WWC2: variants seen among roughly 807,000 people sequenced by gnomAD.
WWC2 encodes the protein WW and C2 domain containing 2.
Under a neutral mutation model 138.5 loss-of-function variants are expected in WWC2, and 101 were observed. That is an observed-to-expected ratio of 0.73 (90% CI 0.62 to 0.86). The LOEUF is 0.86. WWC2 is among the 40% of genes least tolerant of loss of function. The probability of loss-of-function intolerance (pLI) is 0.00; values close to 1 mark genes in which losing one functional copy is unlikely to be tolerated. For missense variants in WWC2, 1,420 were observed against 1,419.4 expected (o/e 1.00, Z -0.01); for synonymous variants, 558 against 538.4 (o/e 1.04, Z -0.50).
intron 22 of WWC2, among the ~76,000 whole-genome samples, chr4:183,314,143 C>G (rs950536815): frequency 6.6e-6 from 1 of 152,044 alleles, no homozygotes; most frequent in Non-Finnish European, 1.5e-5. Flanking sequence ...GCTCACAGCT[C>G]TTTCATTTTT....
intron 1 of WWC2, among the ~76,000 whole-genome samples, chr4:183,142,803 C>T (rs1733340228): frequency 6.6e-6 from 1 of 152,164 alleles, no homozygotes; most frequent in Non-Finnish European, 1.5e-5. Context: ...CTAATGTTAC[C>T]CAAGGGCATT....
At chr4:183,310,582 C>T (rs1739178518) in intron 21 of WWC2, among the ~76,000 whole-genome samples, 1 of 151,952 alleles carries the variant, frequency 6.6e-6, no homozygotes, top group South Asian at 2.1e-4. Context: ...CTCACTGCAG[C>T]CTTAAACTCC....
At chr4:183,104,681 T>C (rs1743294260) in intron 1 of WWC2, among the ~76,000 whole-genome samples, 1 of 152,102 alleles carries the variant, frequency 6.6e-6, no homozygotes, top group South Asian at 2.1e-4. Context: ...ATTAAAAAAA[T>C]CACTCTAGGA....
Position 183,260,932 on chromosome 4 carries a change from A to G in WWC2, c.1309A>G (p.Met437Val), listed in dbSNP as rs556011953. 2.9e-5 allele frequency: 47 copies of G among 1,613,810 alleles called. No individual in the cohort carries two copies. In the South Asian group the frequency reaches 4.1e-4, roughly 14 times the overall value. ...LKSLSASTLSMSSGSSLGSLA... is the reference protein window; with the variant it reads ...LKSLSASTLSVSSGSSLGSLA... ...CAGCCTCTCTGCCAGCACCCTGTCC[A>G]TGTCATCTGGGAGCAGCCTGGGTTC... Residue 437 changes from methionine to valine, a missense_variant, in exon 11 of 23, where the codon ATG becomes GTG. Transcript: ENST00000403733.
At position 183,261,384 on chromosome 4, in the gene WWC2, CTG is replaced by C. The variant is rs1737323946; in HGVS notation, c.1764_1765del (p.Cys588Ter). 1.9e-6 allele frequency: 3 copies of C among 1,613,102 alleles called. No individual in the cohort carries two copies. The highest frequency in any genetic ancestry group is 1.3e-5 in the African/African-American group (1 of 74,926). On this transcript the variant is annotated frameshift_variant, in exon 11 of 23. Coordinates refer to ENST00000403733, the MANE Select transcript of WWC2 (RefSeq NM_024949.6). LOFTEE classifies it high-confidence loss of function. The part of the protein sequence containing the change: ...LHQFTADFED[C>X]ELSSHFADIS... ...ATCAGTTCACTGCTGACTTTGAAGA[CTG>C]TGAGTTGAGTAGCCATTTTGCAGAT... is the stretch of plus-strand genomic sequence containing the variant.
intron 21 of WWC2, among the ~76,000 whole-genome samples, chr4:183,311,875 C>T (rs950376537): frequency 6.6e-6 from 1 of 151,976 alleles, no homozygotes; most frequent in Non-Finnish European, 1.5e-5. Flanking sequence ...CCGCACCCGG[C>T]ATGTGCAGGT....
intron 1 of WWC2, among the ~76,000 whole-genome samples, chr4:183,147,065 A>G (rs1054842228): frequency 1.3e-5 from 2 of 152,228 alleles, no homozygotes; most frequent in African/African-American, 4.8e-5. Context: ...GGCCCAAGCC[A>G]TGAACAAGCT....
intron 1 of WWC2, among the ~76,000 whole-genome samples, chr4:183,142,872 C>A (rs1434106261): frequency 1.3e-5 from 2 of 152,158 alleles, no homozygotes; most frequent in African/African-American, 2.4e-5. Context: ...CACAAATGTT[C>A]AACTTCCTTC....
intron 1 of WWC2, among the ~76,000 whole-genome samples, chr4:183,135,002 GCTCA>G (rs1733065874): frequency 6.6e-6 from 1 of 151,700 alleles, no homozygotes; most frequent in Non-Finnish European, 1.5e-5. Context: ...CACGATCTTG[GCTCA>G]CTGCAGCCTC....
intron 1 of WWC2, among the ~76,000 whole-genome samples, chr4:183,151,558 T>G (rs1002587261): frequency 2.6e-5 from 4 of 152,252 alleles, no homozygotes; most frequent in African/African-American, 9.6e-5. Context: ...ATCCCGTTTG[T>G]CAATTTTGGC....
chr4:183,169,016 T>TA (rs1255279027), intron 1 of WWC2, among the ~76,000 whole-genome samples: 42 of 152,276 alleles, frequency 2.8e-4, no homozygotes, highest in African/African-American at 9.4e-4. Flanking sequence ...GCCCGGCTAA[T>TA]TTTCTGTTTT....
chr4:183,104,048 C>T (rs530140610), intron 1 of WWC2, among the ~76,000 whole-genome samples: 13 of 151,918 alleles, frequency 8.6e-5, no homozygotes, highest in Admixed American at 5.2e-4. Flanking sequence ...CAGCCTCCAC[C>T]TCCTGGGTTC....
At chr4:183,264,936 A>G in intron 11 of WWC2, 42 bp from the exon 12 acceptor site, 2 of 1,573,392 alleles carry the variant, frequency 1.3e-6, no homozygotes, top group South Asian at 1.2e-5. Flanking sequence ...AACTTTTCCA[A>G]ATAAGACATT....
In WWC2 at chr4:183,319,438, C is replaced by T. The variant is rs933338590; in HGVS notation, c.*3709C>T. On this transcript the variant is annotated 3_prime_UTR_variant, in exon 23 of 23. Transcript: ENST00000403733. ...GAAAGAAACTATAGTTTAATAGCCA[C>T]AGGAAAAGATGCATTTTCAAAAATC... 4.6e-6 allele frequency: 5 copies of T among 1,098,610 alleles called. No individual in the cohort carries two copies. In the African/African-American group the frequency reaches 7.9e-5, roughly 17 times the overall value. The allele number at this position is 1,098,610 out of a possible 1,614,324, so 68.1% of individuals were successfully genotyped here. A position where few individuals can be genotyped will look rare whatever the true frequency, so the allele number is the denominator to read the frequency against.
rs576450549 is a variant in WWC2 at position 183,237,495 on chromosome 4, T to C, written c.523-2688T>C. ...TGAGCTCATTGCTCTTAATTCATATTACACCACCTTTAAAATCCTGTTCAG... is the reference window on the plus strand; with the variant it reads ...TGAGCTCATTGCTCTTAATTCATATCACACCACCTTTAAAATCCTGTTCAG... On this transcript the variant is annotated intron_variant, in intron 4 of 22. Transcript: ENST00000403733. Among the ~76,000 whole-genome samples, 3 of 152,302 alleles carry C rather than the reference T, an allele frequency of 2.0e-5. No homozygotes were observed. In the East Asian group the frequency reaches 5.8e-4, roughly 29 times the overall value.
intron 21 of WWC2, among the ~76,000 whole-genome samples, chr4:183,300,890 C>A (rs1441819734): frequency 6.6e-6 from 1 of 152,158 alleles, no homozygotes. Flanking sequence ...ATAGGATCCT[C>A]TGCGTTCTAT....
intron 1 of WWC2, among the ~76,000 whole-genome samples, chr4:183,114,859 T>A (rs1732361676): frequency 6.6e-6 from 1 of 152,162 alleles, no homozygotes; most frequent in African/African-American, 2.4e-5. Context: ...TCTCATTCTA[T>A]CGCCTAGGCT....
chr4:183,267,164 T>A (rs947917399), intron 14 of WWC2, among the ~76,000 whole-genome samples: 2 of 150,964 alleles, frequency 1.3e-5, no homozygotes, highest in South Asian at 4.2e-4. Flanking sequence ...GCCAAGATAG[T>A]AGATTTTAAT....
chr4:183,310,667 ATTT>A (rs33923162), intron 21 of WWC2, among the ~76,000 whole-genome samples: 1 of 130,970 alleles, frequency 7.6e-6, no homozygotes, highest in Non-Finnish European at 1.6e-5. Flanking sequence ...CACCTAGCTA[ATTT>A]TTTTTTTTTT....
Sources: gnomAD v4.1 joint callset for allele counts (sites outside exome capture counted in the v4.1 genomes callset) on GRCh38, gnomAD v4.1.1 for gene constraint, MANE v1.5 for transcripts, NCBI Gene and HGNC (gene_info 2026-07-23, HGNC 2026-07-21) for gene names.